The following ADCY1 variants were observed in gnomAD, a reference collection of about 807,000 sequenced individuals.
ADCY1 encodes adenylate cyclase type 1.
A neutral mutation model predicts 105.4 loss-of-function variants in ADCY1; 28 were observed. The observed-to-expected ratio is 0.27, with a 90% CI of 0.20 to 0.36. The LOEUF (loss-of-function observed/expected upper bound fraction) is 0.36. Ranked by LOEUF, ADCY1 falls within the 10% of genes least tolerant of loss-of-function variation. The pLI is 1.00. For synonymous variants in ADCY1, 655 were observed against 623.8 expected (o/e 1.05, Z -0.75); for missense variants, 977 against 1,434.2 (o/e 0.68, Z 5.15).
chr7:45,657,457 A>G (rs1350182132), intron 5 of ADCY1, among the ~76,000 whole-genome samples: 1 of 152,198 alleles, frequency 6.6e-6, no homozygotes, highest in Non-Finnish European at 1.5e-5. Context: ...GAGGCCATGA[A>G]TGGAACTCAT....
At chr7:45,582,136 G>C (rs1792568160) in intron 1 of ADCY1, among the ~76,000 whole-genome samples, 1 of 152,126 alleles carries the variant, frequency 6.6e-6, no homozygotes, top group Non-Finnish European at 1.5e-5. Flanking sequence ...ATGCACATTT[G>C]CACACTGATG....
chr7:45,713,938 C>T lies in ADCY1; in HGVS notation c.3303C>T (p.Leu1101=). The change falls in exon 20 of 20, where the codon CTC becomes CTT. Residue 1101 remains leucine (L), a synonymous_variant. Coordinates refer to ENST00000297323, the MANE Select transcript of ADCY1 (RefSeq NM_021116.4). The part of the protein sequence containing the change: ...PMPGVSVRAG[L]PPHSPGQYLP... ...CTGGCGTCTCAGTCAGGGCTGGGCT[C>T]CCTCCACACTCCCCAGGCCAGTACC... 1 of 780,496 alleles carries T rather than the reference C, an allele frequency of 1.3e-6. No individual in the cohort carries two copies. The highest frequency in any genetic ancestry group is 2.4e-6 in the Non-Finnish European group (1 of 418,136). 48.3% of individuals were successfully genotyped at this position (780,496 alleles called of 1,614,324 possible).
At chr7:45,664,339 G>A in intron 8 of ADCY1, 2 of 1,536,084 alleles carry the variant, frequency 1.3e-6, no homozygotes. Context: ...TGGGGTTTTG[G>A]TCTCCCACCC....
intron 1 of ADCY1, among the ~76,000 whole-genome samples, chr7:45,588,012 G>A (rs1351117980): frequency 1.3e-5 from 2 of 152,148 alleles, no homozygotes; most frequent in Admixed American, 6.5e-5. Context: ...TCTTGAAGGC[G>A]GAGTAGCTAT....
intron 2 of ADCY1, among the ~76,000 whole-genome samples, chr7:45,606,789 G>C (rs1029180039): frequency 1.3e-5 from 2 of 152,086 alleles, no homozygotes; most frequent in African/African-American, 4.8e-5. Flanking sequence ...TTTTTATATA[G>C]CCTTTATAGG....
At chr7:45,578,050 G>T (rs1413822811) in intron 1 of ADCY1, among the ~76,000 whole-genome samples, 1 of 152,204 alleles carries the variant, frequency 6.6e-6, no homozygotes, top group Non-Finnish European at 1.5e-5. Flanking sequence ...TCCAGTTCTG[G>T]TGCACAGGGC....
At chr7:45,627,446 A>G (rs1794094039) in intron 4 of ADCY1, among the ~76,000 whole-genome samples, 1 of 152,118 alleles carries the variant, frequency 6.6e-6, no homozygotes, top group Admixed American at 6.5e-5. Flanking sequence ...TGGCCTGTGG[A>G]CAGCCCATAC....
rs1266467984 is a variant in ADCY1 at position 45,574,774 on chromosome 7, G to A, written c.231G>A (p.Leu77=). ...GCCTGCTGGCGGGCGCGCTGGCGCT[G>A]GCCGAGCTGCTGGGCGCGCCGGGGC... ...VLSLLAGALA[L]AELLGAPGPA... The change falls in exon 1 of 20, where the codon CTG becomes CTA. Residue 77 remains leucine, a synonymous_variant. Coordinates refer to ENST00000297323, the MANE Select transcript of ADCY1 (RefSeq NM_021116.4). The surrounding 1 kb of genome is among the most constrained non-coding windows in gnomAD (Gnocchi z 7.0). 4 of 1,485,624 alleles carry A rather than the reference G, an allele frequency of 2.7e-6. No individual in the cohort carries two copies. In the African/African-American group the frequency reaches 4.4e-5, roughly 16 times the overall value. 92.0% of individuals were successfully genotyped at this position (1,485,624 alleles called of 1,614,324 possible). A position where few individuals can be genotyped will look rare whatever the true frequency, so the allele number is the denominator to read the frequency against.
At chr7:45,590,519 T>A (rs11762453) in intron 1 of ADCY1, among the ~76,000 whole-genome samples, 54,090 of 151,890 alleles carry the variant, frequency 0.36, 10,244 homozygotes, top group East Asian at 0.5. Context: ...CCTGACCCTT[T>A]CCAGACATCC....
At chr7:45,583,859 C>G (rs1348200388) in intron 1 of ADCY1, among the ~76,000 whole-genome samples, 1 of 150,764 alleles carries the variant, frequency 6.6e-6, no homozygotes, top group Admixed American at 6.6e-5. Flanking sequence ...AGGCTGGTCT[C>G]GAACTCCTGA....
At chr7:45,709,491 A>G (rs1035266802) in intron 18 of ADCY1, among the ~76,000 whole-genome samples, 1 of 152,060 alleles carries the variant, frequency 6.6e-6, no homozygotes, top group Non-Finnish European at 1.5e-5. Flanking sequence ...GGTGCTCCCT[A>G]ACTCCCACCA....
At chr7:45,685,843 G>T in intron 12 of ADCY1, 119 bp from the exon 13 acceptor site, 1 of 1,275,942 alleles carries the variant, frequency 7.8e-7, no homozygotes, top group East Asian at 2.4e-5. Context: ...TGATAGCACT[G>T]GGGGTGGGTC....
At position 45,679,736 on chromosome 7, in the gene ADCY1, A is replaced by G. The variant is rs2116189963; in HGVS notation, c.1926A>G (p.Val642=). 1.9e-6 allele frequency: 3 copies of G among 1,614,200 alleles called. No individual in the cohort carries two copies. Among genetic ancestry groups the G allele is most frequent in the South Asian group, 2.2e-5 (2 of 91,074 alleles). ...PQSVVVLLLL[V]FCICFLVACV... is the part of the protein sequence containing the mutation. ...GTGTGGTCGTCCTGCTCCTGCTAGT[A>G]TTCTGCATCTGCTTCCTGGTGGCCT... The change falls in exon 11 of 20, where the codon GTA becomes GTG. Residue 642 remains valine (V), a synonymous_variant. Coordinates refer to ENST00000297323, the MANE Select transcript of ADCY1 (RefSeq NM_021116.4).
rs7800818 is a variant in ADCY1, at chr7:45,592,492, G to A, written c.640-267G>A. On this transcript the variant is annotated intron_variant, in intron 1 of 19. Transcript: ENST00000297323. ...ACATCCCGAGGTCCTGGGGGTTAGG[G>A]CTTTATGCATTTTGGGGGACACAGT... Among the ~76,000 whole-genome samples, 64,039 of 152,022 alleles carry A rather than the reference G, an allele frequency of 0.42. 13,899 individuals are homozygous for A. Among genetic ancestry groups the A allele is most frequent in the East Asian group, 0.65 (3,354 of 5,162 alleles).
At chr7:45,685,448 T>G in intron 12 of ADCY1, among the ~76,000 whole-genome samples, 1 of 146,458 alleles carries the variant, frequency 6.8e-6, no homozygotes, top group Admixed American at 6.8e-5. Context: ...AGGATGGAGT[T>G]TGTAGTGGGA....
At chr7:45,705,742 C>T (rs1357871930) in intron 17 of ADCY1, among the ~76,000 whole-genome samples, 3 of 152,140 alleles carry the variant, frequency 2.0e-5, no homozygotes, top group Non-Finnish European at 2.9e-5. Flanking sequence ...AGAAGGCATA[C>T]AGACTGAGAA....
rs185234651 is a variant in ADCY1, at chr7:45,645,523, G to C, written c.1021-3147G>C. Among the ~76,000 whole-genome samples, 420 of 152,182 alleles carry C rather than the reference G, an allele frequency of 2.8e-3. 2 individuals are homozygous for C. The highest frequency in any genetic ancestry group is 9.7e-3 in the African/African-American group (401 of 41,524). On this transcript the variant is annotated intron_variant, in intron 4 of 19. Coordinates refer to ENST00000297323, the MANE Select transcript of ADCY1 (RefSeq NM_021116.4). ...GCCCTGCTACCATCAGATCTGACTG[G>C]CCTGTTCACTCATGCACACTCATCC...
At chr7:45,615,599 C>A (rs1258707036) in intron 3 of ADCY1, among the ~76,000 whole-genome samples, 1 of 152,106 alleles carries the variant, frequency 6.6e-6, no homozygotes, top group Non-Finnish European at 1.5e-5. Context: ...AAGACCCTAT[C>A]TCAACAAAAC....
chr7:45,622,595 T>C (rs756348192), intron 3 of ADCY1, 37 bp from the exon 4 acceptor site: 2 of 1,465,292 alleles, frequency 1.4e-6, no homozygotes, highest in East Asian at 4.5e-5. Flanking sequence ...CCTGAGTGAC[T>C]GGGAGAAGGG....
Sources: gnomAD v4.1 joint callset for allele counts (sites outside exome capture counted in the v4.1 genomes callset) on GRCh38, gnomAD v4.1.1 for gene constraint, Gnocchi (gnomAD v3.1) non-coding constraint, MANE v1.5 for transcripts, NCBI Gene and HGNC (gene_info 2026-07-23, HGNC 2026-07-21) for gene names.